TRNAU1AP: variants seen among roughly 807,000 people sequenced by gnomAD.
The protein encoded by TRNAU1AP is tRNA selenocysteine 1 associated protein 1.
In TRNAU1AP, 33 loss-of-function variants were observed where a neutral mutation model predicts 43.3. The ratio of observed to expected loss-of-function variants is 0.76; its 90% CI spans 0.58 to 1.02. TRNAU1AP has a LOEUF of 1.02. TRNAU1AP is among the 50% of genes least tolerant of loss of function. The probability of loss-of-function intolerance (pLI) is 0.00; values close to 1 mark genes in which losing one functional copy is unlikely to be tolerated. For synonymous variants in TRNAU1AP, 143 were observed against 129.1 expected (o/e 1.11, Z -0.73); for missense variants, 290 against 362.7 (o/e 0.80, Z 1.63).
chr1:28,558,134 T>C (rs1266041343), intron 2 of TRNAU1AP, among the ~76,000 whole-genome samples: 1 of 148,524 alleles, frequency 6.7e-6, no homozygotes, highest in African/African-American at 2.5e-5. Context: ...CCTGACCTCC[T>C]GATCCACCCG....
In TRNAU1AP at chr1:28,577,556, GA is replaced by G. The variant is rs752351327; in HGVS notation, c.785del (p.Glu262GlyfsTer7). 1 of 1,614,172 alleles carries G rather than the reference GA, an allele frequency of 6.2e-7. No homozygotes were observed. The highest frequency in any genetic ancestry group is 8.5e-7 in the Non-Finnish European group (1 of 1,180,012). On this transcript the variant is annotated frameshift_variant, in exon 9 of 9. Coordinates refer to ENST00000373830, the MANE Select transcript of TRNAU1AP (RefSeq NM_017846.5). LOFTEE classifies it high-confidence loss of function. The stretch of plus-strand genomic sequence containing the variant: ...CAACAAGGAGTTCATGGAACAGAGT[GA>G]GGAGCTGTATGACGCTCTGATGGAC... ...EANKEFMEQS[E>X]ELYDALMDCH...
rs1665831891 is a variant in TRNAU1AP at position 28,577,767 on chromosome 1, T to TTTCTACAACACTGCTGCA, written c.*135_*152dup. ...TGACTGTTTTTGGAGATCATGAATG[T>TTTCTACAACACTGCTGCA]TTCTACAACACTGCTGCATTCATTT... On this transcript the variant is annotated 3_prime_UTR_variant, in exon 9 of 9. Coordinates refer to ENST00000373830, the MANE Select transcript of TRNAU1AP (RefSeq NM_017846.5). 3.0e-6 allele frequency: 3 copies of TTTCTACAACACTGCTGCA among 995,654 alleles called. No individual in the cohort carries two copies. The highest frequency in any genetic ancestry group is 2.7e-5 in the Admixed American group (1 of 37,602). The allele number at this position is 995,654 out of a possible 1,614,324, so 61.7% of individuals were successfully genotyped here. A position where few individuals can be genotyped will look rare whatever the true frequency, so the allele number is the denominator to read the frequency against.
At chr1:28,571,415 T>C in intron 7 of TRNAU1AP, 77 bp downstream of exon 7, 2 of 1,495,670 alleles carry the variant, frequency 1.3e-6, no homozygotes, top group Non-Finnish European at 1.9e-6. Flanking sequence ...TAGGATGGGA[T>C]TGGTAAGGAC....
intron 1 of TRNAU1AP, 49 bp from the exon 2 acceptor site, chr1:28,553,591 G>A (rs1040650116): frequency 1.3e-6 from 2 of 1,575,534 alleles, no homozygotes; most frequent in African/African-American, 1.4e-5. Flanking sequence ...AACCCGGAGT[G>A]GGAAGCCCGG....
chr1:28,568,549 A>G (rs1167145917), intron 6 of TRNAU1AP, among the ~76,000 whole-genome samples: 1 of 152,218 alleles, frequency 6.6e-6, no homozygotes, highest in African/African-American at 2.4e-5. Context: ...TGTTGGGATT[A>G]CAGGCATAAG....
chr1:28,559,196 C>T (rs1367973673), intron 2 of TRNAU1AP, among the ~76,000 whole-genome samples: 4 of 151,996 alleles, frequency 2.6e-5, no homozygotes. Flanking sequence ...CTCAGCCTGC[C>T]GAGTAGCTGG....
chr1:28,558,780 T>C (rs905223541), intron 2 of TRNAU1AP, among the ~76,000 whole-genome samples: 1 of 151,952 alleles, frequency 6.6e-6, no homozygotes, highest in Non-Finnish European at 1.5e-5. Context: ...TTAGCCAGTA[T>C]GGTCTCAGTC....
intron 8 of TRNAU1AP, among the ~76,000 whole-genome samples, chr1:28,574,251 C>T (rs1665726535): frequency 6.6e-6 from 1 of 151,888 alleles, no homozygotes; most frequent in Admixed American, 6.6e-5. Flanking sequence ...CCACGCTCGG[C>T]TAATTTTTGT....
chr1:28,553,545 C>T (rs1168499833), intron 1 of TRNAU1AP, 95 bp from the exon 2 acceptor site: 2 of 1,184,744 alleles, frequency 1.7e-6, no homozygotes, highest in East Asian at 2.5e-5. Context: ...CCCAGCGGCG[C>T]GTAGCCAGCC....
intron 4 of TRNAU1AP, among the ~76,000 whole-genome samples, chr1:28,564,224 C>T (rs1665484853): frequency 6.6e-6 from 1 of 152,192 alleles, no homozygotes; most frequent in Middle Eastern, 3.2e-3. Context: ...CCAGATCACA[C>T]CACTGCACTC....
chr1:28,574,077 C>CT (rs1178078009), intron 8 of TRNAU1AP, among the ~76,000 whole-genome samples: 38,538 of 124,122 alleles, frequency 0.31, 6,964 homozygotes, highest in African/African-American at 0.48. Flanking sequence ...GACCCCATCT[C>CT]TTTTTTTTTT....
At chr1:28,562,075 C>G (rs1307547398) in intron 4 of TRNAU1AP, among the ~76,000 whole-genome samples, 3 of 151,974 alleles carry the variant, frequency 2.0e-5, no homozygotes, top group African/African-American at 7.3e-5. Context: ...AGAGTGAGAC[C>G]CTGTCTTAAA....
At chr1:28,555,538 C>T (rs1439431865) in intron 2 of TRNAU1AP, among the ~76,000 whole-genome samples, 1 of 149,738 alleles carries the variant, frequency 6.7e-6, no homozygotes, top group Non-Finnish European at 1.5e-5. Flanking sequence ...TCTGTCACTA[C>T]CCAGGTTGGA....
chr1:28,570,925 C>T (rs897395030), intron 6 of TRNAU1AP, among the ~76,000 whole-genome samples: 4 of 151,926 alleles, frequency 2.6e-5, no homozygotes, highest in African/African-American at 4.8e-5. Context: ...ATTAGCCAGG[C>T]GTGGTGGCAC....
intron 8 of TRNAU1AP, among the ~76,000 whole-genome samples, chr1:28,576,608 C>T (rs999036372): frequency 4.0e-5 from 6 of 150,294 alleles, no homozygotes; most frequent in Admixed American, 1.3e-4. Context: ...TGAGCCACCG[C>T]GCCCGGCCGA....
chr1:28,554,738 G>A (rs111852352), intron 2 of TRNAU1AP, among the ~76,000 whole-genome samples: 1 of 151,798 alleles, frequency 6.6e-6, no homozygotes, highest in Non-Finnish European at 1.5e-5. Flanking sequence ...CAGCTACTTG[G>A]GGGGCTGAGG....
rs774380260 is a variant in TRNAU1AP, at chr1:28,553,635, C to T, written c.28-5C>T. The T allele has an allele frequency of 5.0e-6, 8 of 1,613,564 alleles. No individual in the cohort carries two copies. In the East Asian group the frequency reaches 1.1e-4, roughly 22 times the overall value. On this transcript the variant is annotated splice_polypyrimidine_tract_variant and splice_region_variant and intron_variant, in intron 1 of 8. Coordinates refer to ENST00000373830, the MANE Select transcript of TRNAU1AP (RefSeq NM_017846.5). ...CTGAGCCGCTGTGCTCTTGTTTTTACGCAGCTGGAACCCTACATGGATGAG... is the reference window on the plus strand; with the variant it reads ...CTGAGCCGCTGTGCTCTTGTTTTTATGCAGCTGGAACCCTACATGGATGAG...
chr1:28,560,519 A>G (rs10915245), intron 2 of TRNAU1AP, 114 bp from the exon 3 acceptor site: 242,266 of 745,822 alleles, frequency 0.32, 43,585 homozygotes, highest in African/African-American at 0.6. Flanking sequence ...TCAGTGATCC[A>G]CCTGCCTTGG....
intron 4 of TRNAU1AP, among the ~76,000 whole-genome samples, chr1:28,562,236 G>A (rs973274277): frequency 3.9e-5 from 6 of 152,164 alleles, no homozygotes; most frequent in African/African-American, 1.4e-4. Context: ...TTTATTCATG[G>A]ACGTGTGCAA....
Sources: allele counts gnomAD v4.1 joint callset (sites outside exome capture counted in the v4.1 genomes callset), GRCh38; gene constraint gnomAD v4.1.1; transcripts MANE v1.5; gene names NCBI Gene and HGNC (gene_info 2026-07-23, HGNC 2026-07-21).